Variants in KCNQ5 observed in about 807,000 individuals in gnomAD.
The protein encoded by KCNQ5 is potassium voltage-gated channel subfamily Q member 5.
Under a neutral mutation model 98.2 loss-of-function variants are expected in KCNQ5, and 30 were observed. The observed-to-expected ratio is 0.31, with a 90% CI of 0.23 to 0.41. The LOEUF is 0.41. Among genes scored for constraint, KCNQ5 ranks in the 10% least tolerant of loss-of-function variants. The probability of loss-of-function intolerance (pLI) is 1.00; values close to 1 mark genes in which losing one functional copy is unlikely to be tolerated. For synonymous variants in KCNQ5, 458 were observed against 449.4 expected (o/e 1.02, Z -0.24); for missense variants, 835 against 1,182.5 (o/e 0.71, Z 4.31).
chr6:72,928,234 A>C (rs1218374246), intron 1 of KCNQ5, among the ~76,000 whole-genome samples: 1 of 152,098 alleles, frequency 6.6e-6, no homozygotes, highest in Non-Finnish European at 1.5e-5. Flanking sequence ...CTAAATCAGT[A>C]ATATGACTTT....
At chr6:73,142,407 C>T (rs1223748602) in intron 10 of KCNQ5, among the ~76,000 whole-genome samples, 6 of 151,988 alleles carry the variant, frequency 3.9e-5, no homozygotes, top group Admixed American at 1.3e-4. Context: ...CCATTCCTTT[C>T]GACCTCTCCG....
chr6:73,159,168 A>G (rs532339755), intron 10 of KCNQ5, among the ~76,000 whole-genome samples: 7 of 152,352 alleles, frequency 4.6e-5, no homozygotes, highest in African/African-American at 1.7e-4. Flanking sequence ...ATGCAGTCAT[A>G]AAACAGAATG....
chr6:72,736,531 G>A (rs1247929497), intron 1 of KCNQ5, among the ~76,000 whole-genome samples: 1 of 112,872 alleles, frequency 8.9e-6, no homozygotes, highest in Non-Finnish European at 1.6e-5. Context: ...ACGGAGTCTC[G>A]CTCTGTCGCC....
At chr6:72,672,571 T>C (rs1413841251) in intron 1 of KCNQ5, among the ~76,000 whole-genome samples, 1 of 152,188 alleles carries the variant, frequency 6.6e-6, no homozygotes, top group African/African-American at 2.4e-5. Context: ...TAGTTTCCGA[T>C]ACAGTCTTTG....
intron 5 of KCNQ5, among the ~76,000 whole-genome samples, chr6:73,099,989 G>C (rs1410104384): frequency 1.3e-5 from 2 of 152,182 alleles, no homozygotes; most frequent in Non-Finnish European, 2.9e-5. Flanking sequence ...ATAATATCAA[G>C]TATCTTCTCT....
At chr6:72,757,335 G>T (rs187867494) in intron 1 of KCNQ5, among the ~76,000 whole-genome samples, 15 of 152,126 alleles carry the variant, frequency 9.9e-5, no homozygotes, top group Non-Finnish European at 2.1e-4. Flanking sequence ...TATATCTAAG[G>T]CATCTTTAAA....
chr6:73,193,836 CTTT>C (rs71540369), intron 13 of KCNQ5, among the ~76,000 whole-genome samples: 72 of 124,530 alleles, frequency 5.8e-4, no homozygotes, highest in African/African-American at 1.7e-3. Flanking sequence ...AATGGGAAGT[CTTT>C]TTTTTTTTTT....
intron 1 of KCNQ5, among the ~76,000 whole-genome samples, chr6:72,712,663 T>G (rs1258595885): frequency 6.6e-6 from 1 of 152,178 alleles, no homozygotes; most frequent in Non-Finnish European, 1.5e-5. Context: ...CAGCAACTAA[T>G]AGAACACCAA....
In KCNQ5 at chr6:73,025,646, AAAAAAAAAAAAAAT is replaced by A. The variant is rs1228772973; in HGVS notation, c.490-16289_490-16276del. Among the ~76,000 whole-genome samples the A allele has an allele frequency of 8.3e-4, 15 of 18,154 alleles. 3 individuals carry two copies. In the South Asian group the frequency reaches 0.015, roughly 19 times the overall value. 11.9% of individuals were successfully genotyped at this position (18,154 alleles called of 152,430 possible). ...CTCAAAAAAAAAAAAAAAAAAAAAA[AAAAAAAAAAAAAAT>A]TCAAGTGTTCCGAATTCCCATTTAA... On this transcript the variant is annotated intron_variant, in intron 2 of 13. Transcript: ENST00000370398.
chr6:72,831,998 T>C (rs906662652), intron 1 of KCNQ5, among the ~76,000 whole-genome samples: 1 of 152,098 alleles, frequency 6.6e-6, no homozygotes, highest in Non-Finnish European at 1.5e-5. Context: ...TAGTGTAGCA[T>C]TTAATGGAAT....
At chr6:72,758,012 G>T (rs1172563560) in intron 1 of KCNQ5, among the ~76,000 whole-genome samples, 3 of 151,946 alleles carry the variant, frequency 2.0e-5, no homozygotes, top group Non-Finnish European at 4.4e-5. Flanking sequence ...TTCCAGTCTG[G>T]TAAAGGGATA....
chr6:73,058,337 C>T (rs988999105), intron 3 of KCNQ5, among the ~76,000 whole-genome samples: 7 of 151,822 alleles, frequency 4.6e-5, no homozygotes, highest in African/African-American at 7.3e-5. Flanking sequence ...GCGTGAACCC[C>T]GGGGGGCGGA....
At chr6:72,856,019 TCTTA>T (rs1480250997) in intron 1 of KCNQ5, among the ~76,000 whole-genome samples, 1 of 152,194 alleles carries the variant, frequency 6.6e-6, no homozygotes, top group Non-Finnish European at 1.5e-5. Context: ...AAGTATACAC[TCTTA>T]CTGTGTAAAT....
chr6:72,659,793 G>A (rs907129624), intron 1 of KCNQ5, among the ~76,000 whole-genome samples: 7 of 152,130 alleles, frequency 4.6e-5, no homozygotes, highest in Non-Finnish European at 1.0e-4. Flanking sequence ...TAAATTTGGA[G>A]GGATACATTT....
chr6:72,884,721 A>G (rs1049301850), intron 1 of KCNQ5, among the ~76,000 whole-genome samples: 28 of 151,936 alleles, frequency 1.8e-4, no homozygotes, highest in African/African-American at 6.5e-4. Flanking sequence ...GGCTTAATCA[A>G]TCCTCTTACC....
chr6:73,035,168 A>G (rs2150351894), intron 2 of KCNQ5, among the ~76,000 whole-genome samples: 1 of 152,188 alleles, frequency 6.6e-6, no homozygotes, highest in African/African-American at 2.4e-5. Flanking sequence ...AGGCTTCTTA[A>G]TTTCCTTATC....
intron 1 of KCNQ5, among the ~76,000 whole-genome samples, chr6:72,825,062 G>A (rs535264089): frequency 6.6e-6 from 1 of 151,978 alleles, no homozygotes; most frequent in South Asian, 2.1e-4. Context: ...GGACCTCTGG[G>A]TAATGATGTC....
chr6:72,732,858 G>T (rs1046798959), intron 1 of KCNQ5, among the ~76,000 whole-genome samples: 1 of 152,156 alleles, frequency 6.6e-6, no homozygotes, highest in Non-Finnish European at 1.5e-5. Context: ...GGCGGGAGAA[G>T]GGGAAAGAAA....
At chr6:72,697,731 C>T (rs1040912664) in intron 1 of KCNQ5, among the ~76,000 whole-genome samples, 1 of 152,072 alleles carries the variant, frequency 6.6e-6, no homozygotes, top group Non-Finnish European at 1.5e-5. Flanking sequence ...AACTATTTCA[C>T]CTGTTATATT....
Sources: allele counts gnomAD v4.1 joint callset (sites outside exome capture counted in the v4.1 genomes callset), GRCh38; gene constraint gnomAD v4.1.1; transcripts MANE v1.5; gene names NCBI Gene and HGNC (gene_info 2026-07-23, HGNC 2026-07-21).